TTC28: variants seen among roughly 807,000 people sequenced by gnomAD.
TTC28 encodes tetratricopeptide repeat protein 28.
Under a neutral mutation model 198.0 loss-of-function variants are expected in TTC28, and 61 were observed. The observed-to-expected ratio is 0.31, with a 90% confidence interval of 0.25 to 0.38. The LOEUF (loss-of-function observed/expected upper bound fraction) is 0.38. TTC28 is among the 10% of genes least tolerant of loss of function. The pLI is 1.00. For synonymous variants in TTC28, 1,171 were observed against 1,297.8 expected (o/e 0.90, Z 2.10); for missense variants, 2,678 against 3,164.0 (o/e 0.85, Z 3.69).
At chr22:28,296,985 C>T (rs537491125) in intron 4 of TTC28, among the ~76,000 whole-genome samples, 102 of 152,204 alleles carry the variant, frequency 6.7e-4, no homozygotes, top group Non-Finnish European at 5.0e-4. Context: ...AAAATGATAA[C>T]GCATCCTAAT....
Position 27,982,810 on chromosome 22 carries a change from A to G in TTC28, c.6857T>C (p.Phe2286Ser). The stretch of plus-strand genomic sequence containing the variant: ...AGGAGAGCTGGGGTACTTCAGTTTA[A>G]AGAGAGGCTGGTCCAGCTGGGAAGT... Reference protein sequence around the residue: ...SQTSQLDQPLFKLKYPSSPYS... With the variant: ...SQTSQLDQPLSKLKYPSSPYS... Residue 2286 changes from phenylalanine to serine, a missense_variant, in exon 23 of 23, where the codon TTT becomes TCT. By Grantham distance (155) the Phe-to-Ser change is radical. This residue lies in a region of TTC28 where 622 missense variants were observed against 656.0 expected (regional missense o/e 0.95). Transcript: ENST00000397906. This position sits in a 1 kb window ranked among gnomAD's most constrained non-coding sequence, Gnocchi z 5.2. The G allele has an allele frequency of 1.3e-6, 2 of 1,543,066 alleles. No individual in the cohort carries two copies. Among genetic ancestry groups the G allele is most frequent in the African/African-American group, 1.4e-5 (1 of 72,814 alleles).
chr22:28,014,685 C>T (rs1938290759), intron 13 of TTC28, among the ~76,000 whole-genome samples: 1 of 152,206 alleles, frequency 6.6e-6, no homozygotes, highest in Non-Finnish European at 1.5e-5. Flanking sequence ...GATTTAATTA[C>T]ATCCTGTGTG....
rs1355500832 is a variant in TTC28, at chr22:28,584,758, A to C, written c.381+44794T>G. 2.0e-5 allele frequency among the ~76,000 whole-genome samples: 3 copies of C among 152,214 alleles called. No homozygotes were observed. The East Asian group carries it at 5.8e-4, about 29-fold the overall frequency. On this transcript the variant is annotated intron_variant, in intron 2 of 22. Transcript: ENST00000397906. ...TTTGCAGGTGATGGAGAGTTACTAAAAAGTTGGACTTATATTTTAGAAACC... is the reference window on the plus strand; with the variant it reads ...TTTGCAGGTGATGGAGAGTTACTAACAAGTTGGACTTATATTTTAGAAACC...
intron 2 of TTC28, among the ~76,000 whole-genome samples, chr22:28,337,846 G>A (rs1406515815): frequency 3.3e-5 from 5 of 151,750 alleles, no homozygotes; most frequent in African/African-American, 9.7e-5. Flanking sequence ...TTACATTTAA[G>A]GTTAATATTG....
intron 2 of TTC28, among the ~76,000 whole-genome samples, chr22:28,485,647 T>C (rs1054334357): frequency 6.6e-6 from 1 of 152,120 alleles, no homozygotes; most frequent in Non-Finnish European, 1.5e-5. Context: ...TAAAAGTTAT[T>C]TAAAAGCCAG....
chr22:28,003,650 G>A (rs754191150), intron 14 of TTC28, among the ~76,000 whole-genome samples: 16 of 152,204 alleles, frequency 1.1e-4, no homozygotes, highest in Non-Finnish European at 2.2e-4. Context: ...TGTGTGAACC[G>A]GAGGGAAGCT....
At chr22:28,582,541 A>G (rs2050247245) in intron 2 of TTC28, among the ~76,000 whole-genome samples, 1 of 152,180 alleles carries the variant, frequency 6.6e-6, no homozygotes, top group Admixed American at 6.5e-5. Flanking sequence ...TGAGAAAAGG[A>G]GATTGAAATC....
At chr22:28,386,274 C>CAAAAAAAAAAGAAAAAA (rs2046588351) in intron 2 of TTC28, among the ~76,000 whole-genome samples, 1 of 52,220 alleles carries the variant, frequency 1.9e-5, no homozygotes, top group African/African-American at 6.8e-5. Context: ...GACTCCGTCT[C>CAAAAAAAAAAGAAAAAA]AAAAAAAAAA....
intron 6 of TTC28, among the ~76,000 whole-genome samples, chr22:28,134,332 G>A (rs762969305): frequency 1.6e-4 from 24 of 152,190 alleles, no homozygotes; most frequent in Non-Finnish European, 2.2e-4. Context: ...GCAGCTCCTC[G>A]CCAGCAATGG....
intron 2 of TTC28, among the ~76,000 whole-genome samples, chr22:28,537,307 A>ACTAAAC (rs2049307645): frequency 1.5e-5 from 2 of 137,136 alleles, no homozygotes; most frequent in South Asian, 2.2e-4. Flanking sequence ...ATAAAATAAA[A>ACTAAAC]TAAAATAAAA....
At chr22:28,474,748 T>G (rs928788886) in intron 2 of TTC28, among the ~76,000 whole-genome samples, 16 of 152,202 alleles carry the variant, frequency 1.1e-4, no homozygotes, top group African/African-American at 3.6e-4. Flanking sequence ...GCATAGTCAA[T>G]TGGCCCTGCC....
chr22:28,081,493 AT>A (rs35534789), intron 12 of TTC28, among the ~76,000 whole-genome samples: 11,045 of 125,414 alleles, frequency 0.088, 546 homozygotes, highest in East Asian at 0.25. Context: ...TGCCACCAGG[AT>A]TTTTTTTTTT....
intron 2 of TTC28, among the ~76,000 whole-genome samples, chr22:28,562,712 TA>T (rs1216955061): frequency 1.3e-5 from 2 of 152,146 alleles, no homozygotes; most frequent in East Asian, 1.9e-4. Flanking sequence ...AAACAATAGC[TA>T]AACAACCAGC....
chr22:28,395,178 A>G lies in TTC28; in HGVS notation c.382-88535T>C, dbSNP rs565126648. The stretch of plus-strand genomic sequence containing the variant: ...AATTTAGAGATATGCATGCATATGT[A>G]TGTATTTTCATGGATATGGCAACAG... On this transcript the variant is annotated intron_variant, in intron 2 of 22. Transcript: ENST00000397906. 5.3e-5 allele frequency among the ~76,000 whole-genome samples: 8 copies of G among 152,278 alleles called. No homozygotes were observed. In the South Asian group the frequency reaches 1.5e-3, roughly 28 times the overall value.
intron 2 of TTC28, chr22:28,629,303 A>G (rs1375974816): frequency 8.8e-6 from 4 of 454,152 alleles, no homozygotes; most frequent in Non-Finnish European, 1.5e-5. Context: ...CAAGCGGCAC[A>G]GATAAAAAAA....
chr22:28,629,287 A>G, intron 2 of TTC28: 1 of 395,432 alleles, frequency 2.5e-6, no homozygotes, highest in South Asian at 4.9e-5. Context: ...AATGTATCTT[A>G]CTTATCAAGC....
intron 2 of TTC28, among the ~76,000 whole-genome samples, chr22:28,532,022 G>A (rs1008875615): frequency 3.9e-5 from 6 of 152,116 alleles, no homozygotes; most frequent in Middle Eastern, 3.4e-3. Context: ...GAGCAAACAC[G>A]TGCAAAAGCT....
chr22:28,008,058 T>A (rs1234984421), intron 14 of TTC28: 1 of 152,178 alleles, frequency 6.6e-6, no homozygotes, highest in African/African-American at 2.4e-5. Flanking sequence ...CTAGGTCTGA[T>A]TGTTTCTAAG....
chr22:28,249,159 G>T (rs572258242), intron 5 of TTC28, among the ~76,000 whole-genome samples: 5 of 152,246 alleles, frequency 3.3e-5, no homozygotes, highest in African/African-American at 1.2e-4. Context: ...ACAGCTTTTA[G>T]AGGAAGACAA....
Sources: gnomAD v4.1 joint callset for allele counts (sites outside exome capture counted in the v4.1 genomes callset) on GRCh38, gnomAD v4.1.1 for gene constraint, gnomAD v4.1.1 regional missense constraint, Gnocchi (gnomAD v3.1) non-coding constraint, MANE v1.5 for transcripts, NCBI Gene and HGNC (gene_info 2026-07-23, HGNC 2026-07-21) for gene names.